Variants in MIGA1 observed in about 807,000 individuals in gnomAD.
The protein encoded by MIGA1 is mitoguardin 1.
MIGA1 carries 58 observed loss-of-function variants against 82.0 expected under a neutral mutation model. The ratio of observed to expected loss-of-function variants is 0.71; its 90% CI spans 0.57 to 0.88. The LOEUF is 0.88. Among genes scored for constraint, MIGA1 ranks in the 40% least tolerant of loss-of-function variants. MIGA1 has a pLI of 0.00. For synonymous variants in MIGA1, 249 were observed against 253.6 expected (o/e 0.98, Z 0.17); for missense variants, 751 against 749.1 (o/e 1.00, Z -0.03).
intron 11 of MIGA1, 34 bp downstream of exon 11, chr1:77,860,160 T>A: frequency 6.6e-7 from 1 of 1,507,680 alleles, no homozygotes; most frequent in East Asian, 2.3e-5. Context: ...TTTTTACCAT[T>A]TACAAAAGTT....
At chr1:77,839,032 T>TA (rs1684531218) in intron 7 of MIGA1, among the ~76,000 whole-genome samples, 1 of 152,184 alleles carries the variant, frequency 6.6e-6, no homozygotes, top group South Asian at 2.1e-4. Flanking sequence ...TAAACAGTAT[T>TA]ATTATGAACA....
At chr1:77,870,012 G>A (rs1685876664) in intron 14 of MIGA1, among the ~76,000 whole-genome samples, 1 of 130,272 alleles carries the variant, frequency 7.7e-6, no homozygotes, top group African/African-American at 2.9e-5. Flanking sequence ...CGGGCAGAGG[G>A]GCTCCTCACT....
At position 77,877,365 on chromosome 1, in the gene MIGA1, C is replaced by G. The variant is rs1195670160; in HGVS notation, c.*2301C>G. Reference sequence around the variant, plus strand: ...ATGAAACATACAAATTATCACTGTTCTTTAGTATATAGCTCCTTGCCTTTT... The same window carrying G: ...ATGAAACATACAAATTATCACTGTTGTTTAGTATATAGCTCCTTGCCTTTT... On this transcript the variant is annotated 3_prime_UTR_variant, in exon 16 of 16. Coordinates refer to ENST00000370791, the MANE Select transcript of MIGA1 (RefSeq NM_198549.4). 6.6e-6 allele frequency: 1 copy of G among 152,096 alleles called. No individual in the cohort carries two copies. The highest frequency in any genetic ancestry group is 1.5e-5 in the Non-Finnish European group (1 of 68,016). 9.4% of individuals were successfully genotyped at this position (152,096 alleles called of 1,614,324 possible).
chr1:77,791,559 G>GTTT (rs71075763), intron 2 of MIGA1, among the ~76,000 whole-genome samples: 7 of 124,702 alleles, frequency 5.6e-5, no homozygotes, highest in Non-Finnish European at 8.2e-5. Flanking sequence ...AGATATTTAA[G>GTTT]TTTTTTTTTT....
intron 2 of MIGA1, 107 bp downstream of exon 2, chr1:77,783,458 A>G (rs1289625505): frequency 1.5e-5 from 8 of 543,466 alleles, no homozygotes; most frequent in Non-Finnish European, 2.1e-5. Context: ...AGTACAGTCA[A>G]AATATTTATT....
intron 4 of MIGA1, among the ~76,000 whole-genome samples, chr1:77,804,776 T>C (rs1278107032): frequency 6.6e-6 from 1 of 151,586 alleles, no homozygotes; most frequent in Non-Finnish European, 1.5e-5. Flanking sequence ...ATTACAGGCA[T>C]GTGTCACCAC....
At chr1:77,825,242 G>A (rs564980272) in intron 7 of MIGA1, among the ~76,000 whole-genome samples, 71 of 152,216 alleles carry the variant, frequency 4.7e-4, no homozygotes, top group African/African-American at 1.7e-3. Context: ...CTGGCCTCAA[G>A]TGATCTGCCC....
chr1:77,788,403 G>A (rs1208570906), intron 2 of MIGA1, among the ~76,000 whole-genome samples: 1 of 152,210 alleles, frequency 6.6e-6, no homozygotes, highest in Non-Finnish European at 1.5e-5. Context: ...CCTCCAAAGT[G>A]CTGGGATTAC....
chr1:77,816,179 A>G (rs999839632), intron 7 of MIGA1, among the ~76,000 whole-genome samples: 2 of 152,042 alleles, frequency 1.3e-5, no homozygotes, highest in African/African-American at 4.8e-5. Flanking sequence ...CTTGACCTCA[A>G]GTGATCCTCC....
intron 7 of MIGA1, among the ~76,000 whole-genome samples, chr1:77,835,911 G>A (rs1214897467): frequency 6.6e-6 from 1 of 151,832 alleles, no homozygotes; most frequent in Admixed American, 6.6e-5. Flanking sequence ...TCGCTCCACT[G>A]CACTCCAGCC....
intron 5 of MIGA1, among the ~76,000 whole-genome samples, chr1:77,813,464 GA>G (rs1251077520): frequency 6.6e-6 from 1 of 152,050 alleles, no homozygotes; most frequent in Non-Finnish European, 1.5e-5. Flanking sequence ...TATTCTTTTA[GA>G]AAAATTCTGA....
intron 7 of MIGA1, among the ~76,000 whole-genome samples, chr1:77,826,877 T>C (rs1304289083): frequency 6.6e-6 from 1 of 152,028 alleles, no homozygotes; most frequent in Non-Finnish European, 1.5e-5. Context: ...CATTCTTGGC[T>C]CACTGCAACC....
chr1:77,875,207 T>C lies in MIGA1; in HGVS notation c.*143T>C. 2 of 665,030 alleles carry C rather than the reference T, an allele frequency of 3.0e-6. No individual in the cohort carries two copies. Among genetic ancestry groups the C allele is most frequent in the East Asian group, 5.5e-5 (2 of 36,568 alleles). The allele number at this position is 665,030 out of a possible 1,614,324, so 41.2% of individuals were successfully genotyped here. A position where few individuals can be genotyped will look rare whatever the true frequency, so the allele number is the denominator to read the frequency against. On this transcript the variant is annotated 3_prime_UTR_variant, in exon 16 of 16. Transcript: ENST00000370791. ...AAAAATCTACTAAAAAATGAGCAAC[T>C]GTACTGTATTTATACAGAAGTTCTG...
chr1:77,826,315 T>C (rs1684026464), intron 7 of MIGA1, among the ~76,000 whole-genome samples: 1 of 152,202 alleles, frequency 6.6e-6, no homozygotes, highest in African/African-American at 2.4e-5. Context: ...TAAATCTACC[T>C]TTTTCCGGGT....
chr1:77,857,383 A>G (rs909463209), intron 8 of MIGA1, among the ~76,000 whole-genome samples: 60 of 141,284 alleles, frequency 4.2e-4, no homozygotes, highest in African/African-American at 1.6e-3. Flanking sequence ...TTATGTATTT[A>G]TTTTGTGACG....
At chr1:77,784,864 C>A (rs1682077848) in intron 2 of MIGA1, among the ~76,000 whole-genome samples, 1 of 151,976 alleles carries the variant, frequency 6.6e-6, no homozygotes, top group Non-Finnish European at 1.5e-5. Context: ...AGAGCTTGTG[C>A]AAAAAAACTC....
At chr1:77,865,593 C>CA (rs201764504) in intron 13 of MIGA1, among the ~76,000 whole-genome samples, 3,865 of 148,396 alleles carry the variant, frequency 0.026, 124 homozygotes, top group African/African-American at 0.09. Context: ...AACCCTGTCT[C>CA]AAAAAAAAAG....
chr1:77,855,704 G>A (rs1053005331), intron 8 of MIGA1, among the ~76,000 whole-genome samples: 8 of 151,504 alleles, frequency 5.3e-5, no homozygotes, highest in African/African-American at 1.7e-4. Context: ...CTTGGTCGCT[G>A]TTGGTGTATA....
Position 77,874,891 on chromosome 1 carries a change from G to A in MIGA1, c.1726G>A (p.Val576Met). Residue 576 changes from valine (V) to methionine (M), a missense_variant, in exon 16 of 16, where the codon GTG becomes ATG. Val to Met is a conservative substitution (Grantham distance 21). Coordinates refer to ENST00000370791, the MANE Select transcript of MIGA1 (RefSeq NM_198549.4). Reference sequence around the variant, plus strand: ...CAAAGACATTTTTGACTTTGAGAAGGTGCGCTATTCAAGTACAGAGACTTT... The same window carrying A: ...CAAAGACATTTTTGACTTTGAGAAGATGCGCTATTCAAGTACAGAGACTTT... 1.2e-6 allele frequency: 2 copies of A among 1,614,036 alleles called. No homozygotes were observed. The highest frequency in any genetic ancestry group is 1.7e-6 in the Non-Finnish European group (2 of 1,179,986).
Sources: gnomAD v4.1 joint callset for allele counts (sites outside exome capture counted in the v4.1 genomes callset) on GRCh38, gnomAD v4.1.1 for gene constraint, MANE v1.5 for transcripts, NCBI Gene and HGNC (gene_info 2026-07-23, HGNC 2026-07-21) for gene names.